Variants in RIF1 observed in about 807,000 individuals in gnomAD.
RIF1 encodes telomere-associated protein RIF1.
RIF1 carries 45 observed loss-of-function variants against 247.1 expected under a neutral mutation model. The ratio of observed to expected loss-of-function variants is 0.18; its 90% CI spans 0.14 to 0.23. RIF1 has a LOEUF of 0.23. RIF1 is among the 10% of genes least tolerant of loss of function. The pLI is 1.00. For missense variants in RIF1, 2,967 were observed against 2,862.5 expected, an observed-to-expected ratio of 1.04 and a Z score of -0.83; for synonymous variants, 1,087 against 978.8, an observed-to-expected ratio of 1.11 and a Z score of -2.06.
intron 12 of RIF1, chr2:151,505,613 T>C (rs368764053): frequency 1.2e-5 from 18 of 1,465,156 alleles, no homozygotes; most frequent in Non-Finnish European, 1.4e-5. Flanking sequence ...TATTACATGC[T>C]GGACTGTTAT....
At chr2:151,461,053 G>A (rs758984622) in intron 26 of RIF1, 85 bp from the exon 27 acceptor site, 15 of 1,221,938 alleles carry the variant, frequency 1.2e-5, no homozygotes, top group Admixed American at 2.2e-5. Flanking sequence ...GAAAAATGGT[G>A]TCATTATTAG....
chr2:151,440,173 A>C, intron 15 of RIF1, 46 bp downstream of exon 15: 1 of 1,049,814 alleles, frequency 9.5e-7, no homozygotes, highest in Non-Finnish European at 1.4e-6. Flanking sequence ...CATTTTCTGA[A>C]GTTAAATTTT....
downstream of RIF1, among the ~76,000 whole-genome samples, chr2:151,484,728 G>T (rs142105390): frequency 2.0e-3 from 304 of 152,354 alleles, no homozygotes; most frequent in Middle Eastern, 3.4e-3. Flanking sequence ...TGGAAGACTT[G>T]GGAGCAGGAG....
chr2:151,526,387 T>G, the RIF1 span: 3 of 715,866 alleles, frequency 4.2e-6, no homozygotes, highest in Non-Finnish European at 4.8e-6. Flanking sequence ...ATGTGATACT[T>G]GCAAATTTTG....
chr2:151,524,495 C>G, the RIF1 span: 7 of 1,613,388 alleles, frequency 4.3e-6, no homozygotes, highest in Admixed American at 1.7e-5. Context: ...GGACTGGGGA[C>G]ATTTTCATGA....
At chr2:151,530,897 G>T in the RIF1 span, 41 of 751,646 alleles carry the variant, frequency 5.5e-5, no homozygotes, top group Non-Finnish European at 8.0e-5. Flanking sequence ...TTTTAGGGTG[G>T]TTGTTACACA....
rs1574208761 is a variant in RIF1 at position 151,478,267 on chromosome 2, C to T, written c.*3196C>T. 1 of 152,342 alleles carries T rather than the reference C, an allele frequency of 6.6e-6. No homozygotes were observed. Among genetic ancestry groups the T allele is most frequent in the East Asian group, 1.9e-4 (1 of 5,180 alleles). The allele number at this position is 152,342 out of a possible 1,614,324, so 9.4% of individuals were successfully genotyped here. A position where few individuals can be genotyped will look rare whatever the true frequency, so the allele number is the denominator to read the frequency against. On this transcript the variant is annotated 3_prime_UTR_variant, in exon 36 of 36. Coordinates refer to ENST00000444746, the MANE Select transcript of RIF1 (RefSeq NM_018151.5). ...GACTGAAGGCCCGGCAGGTGGATCA[C>T]TTTGGCCCAGGAGTTCAAAACTGAC...
At chr2:151,444,848 A>G (rs1692981555) in intron 18 of RIF1, among the ~76,000 whole-genome samples, 1 of 152,228 alleles carries the variant, frequency 6.6e-6, no homozygotes, top group African/African-American at 2.4e-5. Flanking sequence ...AACAAATTAC[A>G]GCCAACTGGT....
rs1692731336 is a variant in RIF1, at chr2:151,443,516, A to AT, written c.1806-7dup. 1 of 1,543,482 alleles carries AT rather than the reference A, an allele frequency of 6.5e-7. No homozygotes were observed. Among genetic ancestry groups the AT allele is most frequent in the South Asian group, 1.3e-5 (1 of 78,838 alleles). Reference sequence around the variant, plus strand: ...CCAAAAAGTTGATGCATTTTTTATAATTTTTTGTTCAGGTTCTTTCTCAGT... The same window carrying AT: ...CCAAAAAGTTGATGCATTTTTTATAATTTTTTTGTTCAGGTTCTTTCTCAGT... On this transcript the variant is annotated splice_polypyrimidine_tract_variant and intron_variant, in intron 17 of 35. Transcript: ENST00000444746.
In RIF1 at chr2:151,479,527, T is replaced by C. The variant is rs977437468; in HGVS notation, c.*4456T>C. 1 of 152,208 alleles carries C rather than the reference T, an allele frequency of 6.6e-6. No homozygotes were observed. Among genetic ancestry groups the C allele is most frequent in the African/African-American group, 2.4e-5 (1 of 41,454 alleles). 9.4% of individuals were successfully genotyped at this position (152,208 alleles called of 1,614,324 possible). On this transcript the variant is annotated 3_prime_UTR_variant, in exon 36 of 36. Transcript: ENST00000444746. ...AAACATGGAAAATCAACACTACCCC[T>C]AATATTAATCTGGCAGTTAAATTTA...
intron 10 of RIF1, chr2:151,496,346 C>T (rs1487595465): frequency 2.5e-6 from 4 of 1,610,378 alleles, no homozygotes; most frequent in Admixed American, 3.3e-5. Flanking sequence ...AGTTCCCTTG[C>T]CCATGTTTTC....
At position 151,465,822 on chromosome 2, in the gene RIF1, A is replaced by G. The variant is rs762955641; in HGVS notation, c.6302A>G (p.Asn2101Ser). 6.2e-6 allele frequency: 10 copies of G among 1,613,044 alleles called. No homozygotes were observed. In the African/African-American group the frequency reaches 1.2e-4, roughly 19 times the overall value. ...YSKSEEKLDN[N>S]QMVMESDILQ... The stretch of plus-strand genomic sequence containing the variant: ...AAATCTGAAGAAAAATTAGATAACA[A>G]TCAAATGGTAATGGAAAGTGATATT... The change falls in exon 30 of 36, where the codon AAT becomes AGT. Residue 2101 changes from asparagine (N) to serine (S), a missense_variant. Around this residue, in one of 7 missense-constraint regions of RIF1, gnomAD observed 2,028 missense variants for 1,825.6 expected, o/e 1.11. Transcript: ENST00000444746.
chr2:151,422,467 A>G (rs995796585), intron 7 of RIF1, among the ~76,000 whole-genome samples: 8 of 151,386 alleles, frequency 5.3e-5, no homozygotes, highest in East Asian at 3.9e-4. Flanking sequence ...CGGATTTGCT[A>G]TATGCTTCAG....
chr2:151,497,865 G>C, intron 10 of RIF1: 1 of 1,508,018 alleles, frequency 6.6e-7, no homozygotes, highest in Non-Finnish European at 8.8e-7. Context: ...AGTGGAAGCT[G>C]TTGTTGGGAT....
Position 151,423,025 on chromosome 2 carries a change from G to C in RIF1, c.769G>C (p.Val257Leu). Residue 257 changes from valine (V) to leucine (L), a missense_variant, in exon 8 of 36, where the codon GTC (valine) becomes CTC (leucine). Physicochemically the swap from Val to Leu is conservative, Grantham distance 32. Transcript: ENST00000444746. Reference sequence around the variant, plus strand: ...CGTGTTAAAATTATGGCCTTTGTTTGTCAAACTACTTGGAAGGGTAAGTGC... The same window carrying C: ...CGTGTTAAAATTATGGCCTTTGTTTCTCAAACTACTTGGAAGGGTAAGTGC... ...TYVLKLWPLF[V>L]KLLGRTLHRS... is the part of the protein sequence containing the mutation. 6.3e-7 allele frequency: 1 copy of C among 1,580,362 alleles called. No individual in the cohort carries two copies.
intron 31 of RIF1, 119 bp downstream of exon 31, chr2:151,468,265 C>CT: frequency 1.9e-6 from 2 of 1,042,846 alleles, no homozygotes; most frequent in Non-Finnish European, 2.8e-6. Context: ...AAAATATATT[C>CT]TTTTGTCTGG....
chr2:151,428,070 A>G (rs1689437762), intron 8 of RIF1, among the ~76,000 whole-genome samples: 1 of 152,044 alleles, frequency 6.6e-6, no homozygotes, highest in South Asian at 2.1e-4. Flanking sequence ...AAAACAAAAC[A>G]AAACAAAAAT....
At chr2:151,482,515 G>C (rs140488063), downstream of RIF1, among the ~76,000 whole-genome samples, 572 of 152,220 alleles carry the variant, frequency 3.8e-3, 3 homozygotes, top group African/African-American at 0.013. Flanking sequence ...AGCTTGGAGA[G>C]GCAGTCCACA....
intron 11 of RIF1, among the ~76,000 whole-genome samples, chr2:151,501,657 C>T (rs2064667277): frequency 6.6e-6 from 1 of 152,180 alleles, no homozygotes; most frequent in Non-Finnish European, 1.5e-5. Context: ...TTTAGTCACA[C>T]ACAGGATGTC....
Sources: gnomAD v4.1 joint callset for allele counts (sites outside exome capture counted in the v4.1 genomes callset) on GRCh38, gnomAD v4.1.1 for gene constraint, gnomAD v4.1.1 regional missense constraint, MANE v1.5 for transcripts, NCBI Gene and HGNC (gene_info 2026-07-23, HGNC 2026-07-21) for gene names.